Variants in CDH2 observed in about 807,000 individuals in gnomAD.
CDH2 encodes cadherin-2.
Under a neutral mutation model 92.0 loss-of-function variants are expected in CDH2, and 17 were observed. The ratio of observed to expected loss-of-function variants is 0.18; its 90% CI spans 0.13 to 0.28. CDH2 has a LOEUF of 0.28. Among genes scored for constraint, CDH2 ranks in the 10% least tolerant of loss-of-function variants. The pLI is 1.00. For missense variants in CDH2, 862 were observed against 1,133.1 expected (o/e 0.76, Z 3.44); for synonymous variants, 419 against 415.9 (o/e 1.01, Z -0.09).
chr18:28,153,501 C>T (rs1156460828), intron 1 of CDH2, among the ~76,000 whole-genome samples: 1 of 152,212 alleles, frequency 6.6e-6, no homozygotes, highest in East Asian at 1.9e-4. Context: ...GGGTATGTCA[C>T]ATGCCCAGAC....
intron 2 of CDH2, among the ~76,000 whole-genome samples, chr18:28,066,414 A>G (rs914651618): frequency 1.3e-5 from 2 of 152,136 alleles, no homozygotes; most frequent in African/African-American, 4.8e-5. Flanking sequence ...AGTTCGAACA[A>G]AGGCTCTTAT....
chr18:28,114,721 A>T (rs149403617), intron 2 of CDH2, among the ~76,000 whole-genome samples: 61 of 152,056 alleles, frequency 4.0e-4, no homozygotes, highest in Non-Finnish European at 1.9e-4. Context: ...TTAAGTTACT[A>T]AGTCATGAGA....
chr18:28,045,850 T>TA (rs1369915470), intron 2 of CDH2, among the ~76,000 whole-genome samples: 12 of 152,062 alleles, frequency 7.9e-5, no homozygotes, highest in Non-Finnish European at 1.5e-4. Context: ...TGAATAAAGG[T>TA]AGAAAGCAGA....
intron 2 of CDH2, among the ~76,000 whole-genome samples, chr18:28,052,433 T>C (rs776573724): frequency 6.6e-6 from 1 of 152,204 alleles, no homozygotes; most frequent in Non-Finnish European, 1.5e-5. Context: ...TTGAAGAGTA[T>C]ACAGAAGAAA....
At chr18:27,970,605 A>G (rs559482272) in intron 14 of CDH2, among the ~76,000 whole-genome samples, 49 of 152,348 alleles carry the variant, frequency 3.2e-4, no homozygotes, top group Admixed American at 8.5e-4. Context: ...TCCTGGCTCC[A>G]TCATATTTTA....
intron 4 of CDH2, among the ~76,000 whole-genome samples, chr18:28,010,186 A>G (rs1041515515): frequency 4.6e-5 from 7 of 152,230 alleles, no homozygotes; most frequent in Non-Finnish European, 8.8e-5. Flanking sequence ...GGGAGTTTCT[A>G]GGTTAGACGA....
chr18:28,091,747 G>T (rs190759485), intron 2 of CDH2, among the ~76,000 whole-genome samples: 3 of 152,070 alleles, frequency 2.0e-5, no homozygotes, highest in African/African-American at 7.2e-5. Context: ...TGTTTCCAAA[G>T]AAAATGGTAA....
chr18:27,988,215 A>G (rs540629408), intron 11 of CDH2, among the ~76,000 whole-genome samples: 1 of 152,308 alleles, frequency 6.6e-6, no homozygotes, highest in Non-Finnish European at 1.5e-5. Flanking sequence ...ACATATAAAA[A>G]GAGCCACTGA....
rs190559316 is a variant in CDH2, at chr18:28,045,337, T to C, written c.173-31428A>G. ...ACCCTCCCAACAGCTGATGAATAAG[T>C]CTTTGTAAAACCCAAAGCTTATCAG... On this transcript the variant is annotated intron_variant, in intron 2 of 15. Transcript: ENST00000269141. The C allele has an allele frequency of 8.5e-4, 380 of 445,564 alleles. 1 individual carries two copies. Among genetic ancestry groups the C allele is most frequent in the Non-Finnish European group, 1.6e-3 (346 of 219,174 alleles). 27.6% of individuals were successfully genotyped at this position (445,564 alleles called of 1,614,324 possible).
At chr18:28,039,812 C>T (rs2144103444) in intron 2 of CDH2, among the ~76,000 whole-genome samples, 1 of 152,148 alleles carries the variant, frequency 6.6e-6, no homozygotes, top group East Asian at 1.9e-4. Context: ...TAAAACAGAT[C>T]TTGATATTTT....
At chr18:28,097,847 T>A (rs1347673431) in intron 2 of CDH2, among the ~76,000 whole-genome samples, 1 of 152,130 alleles carries the variant, frequency 6.6e-6, no homozygotes, top group Non-Finnish European at 1.5e-5. Flanking sequence ...TAAAAATAAG[T>A]TTTATAATTT....
chr18:27,991,401 T>C (rs761713979), intron 9 of CDH2, among the ~76,000 whole-genome samples: 4 of 152,146 alleles, frequency 2.6e-5, no homozygotes, highest in Non-Finnish European at 5.9e-5. Context: ...AAATCCCCAA[T>C]TCAACATTCC....
rs1215813174 is a variant in CDH2, at chr18:27,988,559, T to C, written c.1706A>G (p.Asn569Ser). The change falls in exon 11 of 16, where the codon AAT becomes AGT. Residue 569 changes from asparagine (N) to serine (S), a missense_variant. Physicochemically the swap from Asn to Ser is conservative, Grantham distance 46. Around this residue, in one of 5 missense-constraint regions of CDH2, gnomAD observed 564 missense variants for 722.2 expected, o/e 0.78. Transcript: ENST00000269141. ...AGCAAGGAAAGTAGCATTATATATA[T>C]TGTTTTTCACATTTGGTGATTCTCG... ...LDRESPNVKN[N>S]IYNATFLASD... 2 of 1,613,290 alleles carry C rather than the reference T, an allele frequency of 1.2e-6. No individual in the cohort carries two copies. The highest frequency in any genetic ancestry group is 2.2e-5 in the East Asian group (1 of 44,836).
intron 2 of CDH2, among the ~76,000 whole-genome samples, chr18:28,024,416 T>C (rs1470651693): frequency 6.6e-6 from 1 of 150,582 alleles, no homozygotes; most frequent in Non-Finnish European, 1.5e-5. Flanking sequence ...ATCTAGAAAA[T>C]CTATTTGTTA....
At chr18:28,064,477 C>A (rs750835860) in intron 2 of CDH2, among the ~76,000 whole-genome samples, 3 of 150,258 alleles carry the variant, frequency 2.0e-5, no homozygotes, top group Non-Finnish European at 2.9e-5. Context: ...TTCCATGAGG[C>A]ATCAGCCAAA....
intron 7 of CDH2, among the ~76,000 whole-genome samples, chr18:27,995,805 T>TAA (rs147889992): frequency 2.7e-5 from 4 of 150,108 alleles, no homozygotes; most frequent in Admixed American, 2.0e-4. Flanking sequence ...TCTCTTCAAA[T>TAA]AAAAAAAAAA....
intron 2 of CDH2, among the ~76,000 whole-genome samples, chr18:28,025,196 T>C (rs1332844044): frequency 6.6e-6 from 1 of 151,996 alleles, no homozygotes; most frequent in Non-Finnish European, 1.5e-5. Context: ...TTGCAATGGG[T>C]CTACACAAGT....
At position 28,136,183 on chromosome 18, in the gene CDH2, T is replaced by A. The variant is rs553712783; in HGVS notation, c.172+11490A>T. ...GGGTTTCAAAATATAACCCAACAAGTTGCTAACTAAAGTCAAGAACATCAG... is the reference window on the plus strand; with the variant it reads ...GGGTTTCAAAATATAACCCAACAAGATGCTAACTAAAGTCAAGAACATCAG... On this transcript the variant is annotated intron_variant, in intron 2 of 15. Transcript: ENST00000269141. 5.9e-5 allele frequency among the ~76,000 whole-genome samples: 9 copies of A among 152,246 alleles called. No individual in the cohort carries two copies. The South Asian group carries it at 1.9e-3, about 32-fold the overall frequency.
chr18:28,145,208 C>G (rs1359761758), intron 2 of CDH2, among the ~76,000 whole-genome samples: 1 of 152,010 alleles, frequency 6.6e-6, no homozygotes, highest in Non-Finnish European at 1.5e-5. Context: ...ATCCTGTCCC[C>G]AGATGCCATC....
Sources: allele counts gnomAD v4.1 joint callset (sites outside exome capture counted in the v4.1 genomes callset), GRCh38; gene constraint gnomAD v4.1.1; regional missense constraint gnomAD v4.1.1; transcripts MANE v1.5; gene names NCBI Gene and HGNC (gene_info 2026-07-23, HGNC 2026-07-21).